PACRGL: variants seen among roughly 807,000 people sequenced by gnomAD.
The protein encoded by PACRGL is parkin coregulated like.
In PACRGL, 38 loss-of-function variants were observed where a neutral mutation model predicts 34.5. The observed-to-expected ratio is 1.10, with a 90% CI of 0.85 to 1.44. The LOEUF is 1.44. Among genes scored for constraint, PACRGL ranks in the 40% most tolerant of loss-of-function variants. The probability of loss-of-function intolerance (pLI) is 0.00; values close to 1 mark genes in which losing one functional copy is unlikely to be tolerated. For missense variants in PACRGL, 305 were observed against 281.4 expected, an observed-to-expected ratio of 1.08 and a Z score of -0.60; for synonymous variants, 128 against 100.1, an observed-to-expected ratio of 1.28 and a Z score of -1.66.
At chr4:20,718,395 C>G (rs1275970918) in intron 7 of PACRGL, among the ~76,000 whole-genome samples, 1 of 152,158 alleles carries the variant, frequency 6.6e-6, no homozygotes, top group Non-Finnish European at 1.5e-5. Context: ...GAGAGGGCAT[C>G]CCTGTCTTGT....
chr4:20,754,810 A>C (rs1754228489), downstream of PACRGL, among the ~76,000 whole-genome samples: 1 of 152,150 alleles, frequency 6.6e-6, no homozygotes, highest in Admixed American at 6.5e-5. Flanking sequence ...TAAAGATATA[A>C]TTTTAATGTG....
chr4:20,757,196 A>G (rs1383230973), downstream of PACRGL, among the ~76,000 whole-genome samples: 3 of 152,142 alleles, frequency 2.0e-5, no homozygotes, highest in Non-Finnish European at 2.9e-5. Context: ...AAGTTAGTTC[A>G]TCACTAAATT....
intron 3 of PACRGL, among the ~76,000 whole-genome samples, chr4:20,707,143 C>T (rs938216417): frequency 6.6e-6 from 1 of 152,050 alleles, no homozygotes; most frequent in Non-Finnish European, 1.5e-5. Context: ...GTTCCTAAAT[C>T]CTCTGTAAGT....
intron 1 of PACRGL, chr4:20,701,789 A>G (rs1227702887): frequency 1.6e-5 from 7 of 451,274 alleles, no homozygotes; most frequent in Non-Finnish European, 3.1e-5. Context: ...CACCCATGCC[A>G]AAGTCCTCCA....
chr4:20,703,699 A>G (rs1326704098), intron 1 of PACRGL, among the ~76,000 whole-genome samples: 1 of 152,164 alleles, frequency 6.6e-6, no homozygotes, highest in Non-Finnish European at 1.5e-5. Context: ...GAAAACCTTG[A>G]CAGGCTTTTA....
At position 20,707,812 on chromosome 4, in the gene PACRGL, C is replaced by T. The variant is rs1735232862; in HGVS notation, c.217C>T (p.Gln73Ter). ...NPKTINPFGE[Q>*]SRVPSAFAAI... ...TCATTTTTTATTTTAGTTTGGTGAA[C>T]AGTCACGAGTGCCTTCTGCATTTGC... The change falls in exon 4 of 9, where the codon CAG becomes TAG. Residue 73 changes from glutamine (Q) to a stop codon, truncating the protein, a stop_gained. Coordinates refer to ENST00000503585, the MANE Select transcript of PACRGL (RefSeq NM_001258345.3). LOFTEE classifies it high-confidence loss of function. 1.9e-6 allele frequency: 3 copies of T among 1,613,062 alleles called. No individual in the cohort carries two copies. Among genetic ancestry groups the T allele is most frequent in the African/African-American group, 1.3e-5 (1 of 74,894 alleles).
At chr4:20,749,763 T>G (rs1278883149) in intron 8 of PACRGL, 2 of 1,479,452 alleles carry the variant, frequency 1.4e-6, no homozygotes, top group African/African-American at 2.8e-5. Context: ...TATCATTAAG[T>G]CAGTGTTTCC....
chr4:20,744,796 G>T (rs1029928995), intron 8 of PACRGL, among the ~76,000 whole-genome samples: 1 of 151,928 alleles, frequency 6.6e-6, no homozygotes, highest in African/African-American at 2.4e-5. Context: ...TAAAAATAAA[G>T]ATAGCACGTT....
downstream of PACRGL, chr4:20,732,571 C>G: frequency 1.4e-6 from 1 of 719,572 alleles, no homozygotes; most frequent in Middle Eastern, 2.3e-4. Context: ...TGTTTTGTTT[C>G]AGTAAAAATT....
At chr4:20,704,359 G>C in intron 1 of PACRGL, 107 bp from the exon 2 acceptor site, 1 of 994,902 alleles carries the variant, frequency 1.0e-6, no homozygotes, top group South Asian at 1.8e-5. Context: ...ACTTTTTTGT[G>C]TGTCTTTTAC....
At chr4:20,719,193 T>C (rs547896828) in intron 7 of PACRGL, among the ~76,000 whole-genome samples, 1 of 152,334 alleles carries the variant, frequency 6.6e-6, no homozygotes, top group Admixed American at 6.5e-5. Context: ...GTATCATTTT[T>C]TATTGCGTCT....
chr4:20,707,062 T>A (rs1196756034), intron 3 of PACRGL, among the ~76,000 whole-genome samples: 1 of 152,310 alleles, frequency 6.6e-6, no homozygotes. Context: ...AATTTATATT[T>A]TGTAATTTAG....
At chr4:20,722,660 C>G (rs1256602764) in intron 7 of PACRGL, among the ~76,000 whole-genome samples, 1 of 152,140 alleles carries the variant, frequency 6.6e-6, no homozygotes, top group Non-Finnish European at 1.5e-5. Context: ...AGCTAATACC[C>G]TGTGAACCAA....
the PACRGL span, among the ~76,000 whole-genome samples, chr4:20,764,370 G>C: frequency 6.6e-6 from 1 of 151,958 alleles, no homozygotes; most frequent in Non-Finnish European, 1.5e-5. Flanking sequence ...TTTAGTGACT[G>C]CATAATAATG....
chr4:20,737,857 G>T (rs1212277371), intron 8 of PACRGL, among the ~76,000 whole-genome samples: 1 of 152,236 alleles, frequency 6.6e-6, no homozygotes, highest in East Asian at 1.9e-4. Context: ...GCAGGCTGGG[G>T]ATCATGGCTC....
chr4:20,726,500 A>T (rs544930351), intron 8 of PACRGL, among the ~76,000 whole-genome samples: 3 of 152,274 alleles, frequency 2.0e-5, no homozygotes, highest in East Asian at 3.9e-4. Context: ...CTCTTGGCTT[A>T]TTATTGTGCT....
chr4:20,766,427 G>A, the PACRGL span, among the ~76,000 whole-genome samples: 9 of 152,222 alleles, frequency 5.9e-5, no homozygotes, highest in East Asian at 9.7e-4. Context: ...TTAGCCAGGC[G>A]TGGTGGCACA....
intron 8 of PACRGL, chr4:20,749,795 T>G (rs1177866124): frequency 4.6e-6 from 5 of 1,098,714 alleles, no homozygotes; most frequent in African/African-American, 1.6e-5. Flanking sequence ...AAGACTTGGA[T>G]AGCAGTCCAA....
chr4:20,698,737 G>C (rs1731371726), upstream of PACRGL, among the ~76,000 whole-genome samples: 1 of 152,188 alleles, frequency 6.6e-6, no homozygotes, highest in Admixed American at 6.5e-5. Context: ...ATAAAGATCT[G>C]AAAAATCCGT....
Sources: gnomAD v4.1 joint callset for allele counts (sites outside exome capture counted in the v4.1 genomes callset) on GRCh38, gnomAD v4.1.1 for gene constraint, MANE v1.5 for transcripts, NCBI Gene and HGNC (gene_info 2026-07-23, HGNC 2026-07-21) for gene names.